The following RLBP1 variants were observed in gnomAD, a reference collection of about 807,000 sequenced individuals.
RLBP1 encodes the protein retinaldehyde-binding protein 1.
A neutral mutation model predicts 36.2 loss-of-function variants in RLBP1; 26 were observed. The ratio of observed to expected loss-of-function variants is 0.72; its 90% CI spans 0.53 to 1.00. The LOEUF (loss-of-function observed/expected upper bound fraction) is 1.00, where lower values mean the gene tolerates loss of function less well. Ranked by LOEUF, RLBP1 falls within the 50% of genes least tolerant of loss-of-function variation. The pLI, the probability that RLBP1 is intolerant of heterozygous loss-of-function variation, is 0.00. For missense variants in RLBP1, 410 were observed against 402.4 expected (o/e 1.02, Z -0.16); for synonymous variants, 155 against 156.2 (o/e 0.99, Z 0.06).
chr15:89,211,833 G>A lies in RLBP1; in HGVS notation c.594C>T (p.Phe198=), dbSNP rs767120067. ...AGCCCTTGAAGTTCTCAATGATGCAGAAGCCATTGATTTGAGTTTCCTCAT... is the reference window on the plus strand; with the variant it reads ...AGCCCTTGAAGTTCTCAATGATGCAAAAGCCATTGATTTGAGTTTCCTCAT... The part of the protein sequence containing the change: ...LENEETQING[F]CIIENFKGFT... Residue 198 remains phenylalanine, a synonymous_variant, in exon 7 of 9, where the codon TTC becomes TTT. Coordinates refer to ENST00000268125, the MANE Select transcript of RLBP1 (RefSeq NM_000326.5). This position sits in a 1 kb window ranked among gnomAD's most constrained non-coding sequence, Gnocchi z 5.8. 14 of 1,613,966 alleles carry A rather than the reference G, an allele frequency of 8.7e-6. No homozygotes were observed. Among genetic ancestry groups the A allele is most frequent in the Non-Finnish European group, 1.2e-5 (14 of 1,179,924 alleles).
chr15:89,211,882 A>C lies in RLBP1; in HGVS notation c.545T>G (p.Phe182Cys), dbSNP rs142244640. The change falls in exon 7 of 9, where the codon TTC (phenylalanine) becomes TGC (cysteine). Residue 182 changes from phenylalanine (F) to cysteine (C), a missense_variant. Phe to Cys is a radical substitution (Grantham distance 205, BLOSUM62 -2). Transcript: ENST00000268125. The surrounding 1 kb of genome is among the most constrained non-coding windows in gnomAD (Gnocchi z 5.8). ...ATTCTCCAGCAGCTTCTCCAGGATGAAGCAATATGCCTGCAAGATCTTGGG... is the reference window on the plus strand; with the variant it reads ...ATTCTCCAGCAGCTTCTCCAGGATGCAGCAATATGCCTGCAAGATCTTGGG... ...TFDEILQAYC[F>C]ILEKLLENEE... 1,953 of 1,614,220 alleles carry C rather than the reference A, an allele frequency of 1.2e-3. 1 individual carries two copies. The highest frequency in any genetic ancestry group is 1.6e-3 in the Non-Finnish European group (1,867 of 1,180,040).
At position 89,218,869 on chromosome 15, in the gene RLBP1, G is replaced by A. The variant is rs1198635596; in HGVS notation, c.12+95C>T. Reference sequence around the variant, plus strand: ...AAGTGTGTGCCTATATTCCCGGGCAGAGCATAAGATAGAGAAGTAAGGAGG... The same window carrying A: ...AAGTGTGTGCCTATATTCCCGGGCAAAGCATAAGATAGAGAAGTAAGGAGG... On this transcript the variant is annotated intron_variant, in intron 3 of 8. Transcript: ENST00000268125. This position sits in a 1 kb window ranked among gnomAD's most constrained non-coding sequence, Gnocchi z 4.6. 3.3e-6 allele frequency: 5 copies of A among 1,531,876 alleles called. No individual in the cohort carries two copies. In the Admixed American group the frequency reaches 7.1e-5, roughly 22 times the overall value. The allele number at this position is 1,531,876 out of a possible 1,614,324, so 94.9% of individuals were successfully genotyped here.
chr15:89,214,120 A>G lies in RLBP1; in HGVS notation c.525+940T>C, dbSNP rs2051559683. Among the ~76,000 whole-genome samples, 1 of 152,208 alleles carries G rather than the reference A, an allele frequency of 6.6e-6. No individual in the cohort carries two copies. ...TGGCATTTCAAGTCATTGAAAAAAG[A>G]TGGACTTTTTAATAAATTGTGTTGG... On this transcript the variant is annotated intron_variant, in intron 6 of 8. Coordinates refer to ENST00000268125, the MANE Select transcript of RLBP1 (RefSeq NM_000326.5). The surrounding 1 kb of genome is among the most constrained non-coding windows in gnomAD (Gnocchi z 4.6).
In RLBP1 at chr15:89,211,184, C is replaced by A. The variant is rs2051535281; in HGVS notation, c.685-375G>T. ...CAAACGACAGGAACAGTATTATCAT[C>A]CCTCATTGTCCATCAGCCCCTCCCA... is the stretch of plus-strand genomic sequence containing the variant. On this transcript the variant is annotated intron_variant, in intron 7 of 8. Transcript: ENST00000268125. The surrounding 1 kb of genome is among the most constrained non-coding windows in gnomAD (Gnocchi z 5.8). 6.6e-6 allele frequency among the ~76,000 whole-genome samples: 1 copy of A among 152,160 alleles called. No homozygotes were observed. The highest frequency in any genetic ancestry group is 6.6e-5 in the Admixed American group (1 of 15,266).
In RLBP1 at chr15:89,218,041, C is replaced by T. The variant is rs887588693; in HGVS notation, c.141+524G>A. Among the ~76,000 whole-genome samples the T allele has an allele frequency of 6.6e-6, 1 of 152,216 alleles. No individual in the cohort carries two copies. The highest frequency in any genetic ancestry group is 1.5e-5 in the Non-Finnish European group (1 of 68,044). On this transcript the variant is annotated intron_variant, in intron 4 of 8. Coordinates refer to ENST00000268125, the MANE Select transcript of RLBP1 (RefSeq NM_000326.5). This position sits in a 1 kb window ranked among gnomAD's most constrained non-coding sequence, Gnocchi z 4.6. Reference sequence around the variant, plus strand: ...GGAAGCTGGGTGCCCAGGCTCAGCTCAGCCACTTCTCATCCTCCCCAGCAG... The same window carrying T: ...GGAAGCTGGGTGCCCAGGCTCAGCTTAGCCACTTCTCATCCTCCCCAGCAG...
In RLBP1 at chr15:89,218,617, T is replaced by C; in HGVS notation, c.89A>G (p.His30Arg). ...GCTGCACGGGCCAAAGACAGGTCCATGGTCCTTGGTTGTGAGCTGCTCCAG... is the reference window on the plus strand; with the variant it reads ...GCTGCACGGGCCAAAGACAGGTCCACGGTCCTTGGTTGTGAGCTGCTCCAG... ...AQLEQLTTKDHGPVFGPCSQL... is the reference protein window; with the variant it reads ...AQLEQLTTKDRGPVFGPCSQL... Residue 30 changes from histidine to arginine, a missense_variant, in exon 4 of 9, where the codon CAT (histidine) becomes CGT (arginine). Transcript: ENST00000268125. This position sits in a 1 kb window ranked among gnomAD's most constrained non-coding sequence, Gnocchi z 4.6. 1.9e-6 allele frequency: 3 copies of C among 1,614,214 alleles called. No individual in the cohort carries two copies. Among genetic ancestry groups the C allele is most frequent in the Non-Finnish European group, 2.5e-6 (3 of 1,180,042 alleles).
chr15:89,217,258 C>G lies in RLBP1; in HGVS notation c.208G>C (p.Val70Leu). 2 of 1,611,224 alleles carry G rather than the reference C, an allele frequency of 1.2e-6. No homozygotes were observed. Among genetic ancestry groups the G allele is most frequent in the Non-Finnish European group, 1.7e-6 (2 of 1,180,016 alleles). ...TCCCCCGAGGCCGCCTGCGCCTGCACCATCTCCTGCAGCTCTCGCACTGCC... is the reference window on the plus strand; with the variant it reads ...TCCCCCGAGGCCGCCTGCGCCTGCAGCATCTCCTGCAGCTCTCGCACTGCC... ...EEAVRELQEM[V>L]QAQAASGEEL... Residue 70 changes from valine to leucine, a missense_variant, in exon 5 of 9, where the codon GTG becomes CTG. Physicochemically the swap from Val to Leu is conservative, Grantham distance 32. Transcript: ENST00000268125.
chr15:89,212,731 C>T (rs28593051), intron 6 of RLBP1, among the ~76,000 whole-genome samples: 135,739 of 151,732 alleles, frequency 0.89, 60,937 homozygotes, highest in East Asian at 1. Flanking sequence ...TTAAATTTGT[C>T]TGTAATTTTT....
At chr15:89,219,926 A>G (rs1567124900) in intron 1 of RLBP1, 67 bp from the exon 2 acceptor site, 1 of 152,266 alleles carries the variant, frequency 6.6e-6, no homozygotes, top group Non-Finnish European at 1.5e-5. Context: ...TTACCAGAAC[A>G]GGTCCCATTC....
At chr15:89,217,603 T>G (rs566553916) in intron 4 of RLBP1, among the ~76,000 whole-genome samples, 2 of 152,382 alleles carry the variant, frequency 1.3e-5, no homozygotes, top group South Asian at 2.1e-4. Flanking sequence ...AGCAACCTGC[T>G]AAGTCCTTTA....
At chr15:89,213,433 A>G (rs571034211) in intron 6 of RLBP1, among the ~76,000 whole-genome samples, 2 of 152,346 alleles carry the variant, frequency 1.3e-5, no homozygotes, top group Non-Finnish European at 2.9e-5. Context: ...AGGGGGATAT[A>G]CAATTAAAAA....
Position 89,210,207 on chromosome 15 carries a change from C to G in RLBP1, c.*78G>C. On this transcript the variant is annotated 3_prime_UTR_variant, in exon 9 of 9. Transcript: ENST00000268125. This position sits in a 1 kb window ranked among gnomAD's most constrained non-coding sequence, Gnocchi z 4.7. ...GGGACCACAGTCATCTCAAGCAGCC[C>G]TTTCCTAGCCTTGGGTCCAGGACAG... The G allele has an allele frequency of 6.4e-7, 1 of 1,564,878 alleles. No homozygotes were observed. The highest frequency in any genetic ancestry group is 8.8e-7 in the Non-Finnish European group (1 of 1,142,276).
intron 2 of RLBP1, 108 bp from the exon 3 acceptor site, chr15:89,219,183 G>C (rs1235740815): frequency 3.1e-6 from 2 of 642,798 alleles, no homozygotes; most frequent in East Asian, 5.5e-5. Flanking sequence ...CAGGTGCCTG[G>C]GTCCCAACCT....
Position 89,217,240 on chromosome 15 carries a change from A to T in RLBP1, c.226T>A (p.Ser76Thr), listed in dbSNP as rs778384712. Residue 76 changes from serine (S) to threonine (T), a missense_variant, in exon 5 of 9, where the codon TCG becomes ACG. Physicochemically the swap from Ser to Thr is moderately conservative, Grantham distance 58. Transcript: ENST00000268125. ...ACGGCCACCGCCAGCTCCTCCCCCGAGGCCGCCTGCGCCTGCACCATCTCC... is the reference window on the plus strand; with the variant it reads ...ACGGCCACCGCCAGCTCCTCCCCCGTGGCCGCCTGCGCCTGCACCATCTCC... ...LQEMVQAQAA[S>T]GEELAVAVAE... is the part of the protein sequence containing the mutation. 14 of 1,612,216 alleles carry T rather than the reference A, an allele frequency of 8.7e-6. No individual in the cohort carries two copies. In the South Asian group the frequency reaches 8.8e-5, roughly 10 times the overall value.
intron 2 of RLBP1, among the ~76,000 whole-genome samples, chr15:89,219,402 C>T (rs2051609001): frequency 6.6e-6 from 1 of 152,356 alleles, no homozygotes; most frequent in East Asian, 1.9e-4. Context: ...TTCTCAATGA[C>T]ATGATCACTG....
Position 89,217,275 on chromosome 15 carries a change from C to T in RLBP1, c.191G>A (p.Arg64Gln), listed in dbSNP as rs201865787. ...EREETREEAV[R>Q]ELQEMVQAQA... ...CGCCTGCACCATCTCCTGCAGCTCT[C>T]GCACTGCCTCCTCCCGGGTCTCCTC... Residue 64 changes from arginine (R) to glutamine (Q), a missense_variant, in exon 5 of 9, where the codon CGA (arginine) becomes CAA (glutamine). Physicochemically the swap from Arg to Gln is conservative, Grantham distance 43. Transcript: ENST00000268125. The T allele has an allele frequency of 4.7e-4, 760 of 1,609,980 alleles. 6 individuals carry two copies. In the East Asian group the frequency reaches 0.016, roughly 34 times the overall value.
intron 4 of RLBP1, among the ~76,000 whole-genome samples, chr15:89,217,902 C>T (rs1461272075): frequency 2.0e-5 from 3 of 152,158 alleles, no homozygotes; most frequent in South Asian, 2.1e-4. Flanking sequence ...CTCCTCCGTG[C>T]GCCTCAGGCA....
Position 89,218,686 on chromosome 15 carries a change from G to A in RLBP1, c.20C>T (p.Thr7Met), listed in dbSNP as rs143319904. Residue 7 changes from threonine (T) to methionine (M), a missense_variant, in exon 4 of 9, where the codon ACG (threonine) becomes ATG (methionine). Physicochemically the swap from Thr to Met is moderately conservative, Grantham distance 81. Transcript: ENST00000268125. The surrounding 1 kb of genome is among the most constrained non-coding windows in gnomAD (Gnocchi z 4.6). MSEGVG[T>M]FRMVPEEEQE... The stretch of plus-strand genomic sequence containing the variant: ...TTCCTCTTCAGGTACCATGCGGAAC[G>A]TGCCCACCTGGGCAGAGAAAGGAAA... 138 of 1,614,020 alleles carry A rather than the reference G, an allele frequency of 8.6e-5. No individual in the cohort carries two copies. The highest frequency in any genetic ancestry group is 1.1e-4 in the Non-Finnish European group (126 of 1,180,048).
At position 89,214,498 on chromosome 15, in the gene RLBP1, GT is replaced by G. The variant is rs35544184; in HGVS notation, c.525+561del. On this transcript the variant is annotated intron_variant, in intron 6 of 8. Transcript: ENST00000268125. This position sits in a 1 kb window ranked among gnomAD's most constrained non-coding sequence, Gnocchi z 4.6. ...AATAAAATAAAATAAGTTTGTAGCA[GT>G]TTTTTTTTTAAATTAAAGGAATCTT... Among the ~76,000 whole-genome samples the G allele has an allele frequency of 1.2e-3, 178 of 150,726 alleles. No homozygotes were observed. The highest frequency in any genetic ancestry group is 3.8e-3 in the African/African-American group (158 of 41,166).
Sources: gnomAD v4.1 joint callset for allele counts (sites outside exome capture counted in the v4.1 genomes callset) on GRCh38, gnomAD v4.1.1 for gene constraint, Gnocchi (gnomAD v3.1) non-coding constraint, MANE v1.5 for transcripts, NCBI Gene and HGNC (gene_info 2026-07-23, HGNC 2026-07-21) for gene names.